EFNA5: variants seen among roughly 807,000 people sequenced by gnomAD.
EFNA5 encodes ephrin-A5.
In EFNA5, 5 loss-of-function variants were observed where a neutral mutation model predicts 22.9. The observed-to-expected ratio is 0.22, with a 90% CI of 0.11 to 0.46. EFNA5 has a LOEUF of 0.46. Ranked by LOEUF, EFNA5 falls within the 20% of genes least tolerant of loss-of-function variation. The pLI is 0.99. For synonymous variants in EFNA5, 113 were observed against 112.2 expected, an observed-to-expected ratio of 1.01 and a Z score of -0.04; for missense variants, 237 against 293.3, an observed-to-expected ratio of 0.81 and a Z score of 1.40.
intron 1 of EFNA5, among the ~76,000 whole-genome samples, chr5:107,621,672 A>G (rs1453580089): frequency 6.6e-6 from 1 of 152,118 alleles, no homozygotes; most frequent in Non-Finnish European, 1.5e-5. Flanking sequence ...CTAATACCTA[A>G]TTCACAGGTT....
At chr5:107,466,222 C>T (rs1408754534) in intron 1 of EFNA5, among the ~76,000 whole-genome samples, 2 of 152,150 alleles carry the variant, frequency 1.3e-5, no homozygotes, top group African/African-American at 4.8e-5. Context: ...CAAAGTTCCA[C>T]TGTGGATTTA....
chr5:107,606,582 C>G (rs61334135), intron 1 of EFNA5, among the ~76,000 whole-genome samples: 21,430 of 143,468 alleles, frequency 0.15, 1,762 homozygotes, highest in African/African-American at 0.17. Flanking sequence ...CACACACACA[C>G]AGAGCTAGTA....
intron 1 of EFNA5, among the ~76,000 whole-genome samples, chr5:107,601,197 T>C (rs1749585607): frequency 6.6e-6 from 1 of 152,240 alleles, no homozygotes; most frequent in Admixed American, 6.5e-5. Flanking sequence ...CCATTCGTAC[T>C]ATGTTCCAAG....
chr5:107,414,123 T>C (rs987789650), intron 2 of EFNA5, among the ~76,000 whole-genome samples: 19 of 152,192 alleles, frequency 1.2e-4, no homozygotes, highest in Admixed American at 3.9e-4. Context: ...GGAGGGCTTA[T>C]TAAAAATAGA....
chr5:107,521,649 AACTCACT>A (rs1174264888), intron 1 of EFNA5, among the ~76,000 whole-genome samples: 1 of 151,788 alleles, frequency 6.6e-6, no homozygotes, highest in Non-Finnish European at 1.5e-5. Context: ...TGGGAACTGC[AACTCACT>A]GTTGCTGCCC....
At chr5:107,660,306 A>ATATATATATC (rs1750925686) in intron 1 of EFNA5, among the ~76,000 whole-genome samples, 4 of 96,824 alleles carry the variant, frequency 4.1e-5, no homozygotes, top group Non-Finnish European at 8.3e-5. Flanking sequence ...ATATATATAT[A>ATATATATATC]TATATATATT....
intron 1 of EFNA5, among the ~76,000 whole-genome samples, chr5:107,640,739 C>T (rs761302874): frequency 6.6e-6 from 1 of 152,190 alleles, no homozygotes; most frequent in Non-Finnish European, 1.5e-5. Context: ...AGTATTACAG[C>T]TCTAAGCTAC....
chr5:107,596,922 T>C (rs1358048128), intron 1 of EFNA5, among the ~76,000 whole-genome samples: 1 of 152,076 alleles, frequency 6.6e-6, no homozygotes, highest in Non-Finnish European at 1.5e-5. Context: ...TTGACAAAAA[T>C]TGAATTAGGT....
At chr5:107,574,753 T>A (rs1219152452) in intron 1 of EFNA5, among the ~76,000 whole-genome samples, 1 of 152,140 alleles carries the variant, frequency 6.6e-6, no homozygotes, top group African/African-American at 2.4e-5. Context: ...ACAGAAGCAG[T>A]GGGGAGAGTT....
At chr5:107,557,241 AGCAAACATTTGTTAAATGAGAAGGGGC>A (rs1334094105) in intron 1 of EFNA5, among the ~76,000 whole-genome samples, 2 of 151,972 alleles carry the variant, frequency 1.3e-5, no homozygotes, top group East Asian at 3.9e-4. Context: ...GGAGGTGCTT[AGCAAACATTTGTTAAATGAGAAGGGGC>A]GAGAGAGGGA....
chr5:107,552,057 T>C (rs1173886324), intron 1 of EFNA5, among the ~76,000 whole-genome samples: 1 of 152,148 alleles, frequency 6.6e-6, no homozygotes, highest in South Asian at 2.1e-4. Flanking sequence ...TTTTTCAATA[T>C]TGCCAAATGC....
chr5:107,642,952 T>G (rs1051234874), intron 1 of EFNA5, among the ~76,000 whole-genome samples: 5 of 142,868 alleles, frequency 3.5e-5, no homozygotes, highest in Non-Finnish European at 7.6e-5. Context: ...AAAAAAAAAC[T>G]AATCTAGACG....
At chr5:107,384,773 T>A (rs1747568128) in intron 4 of EFNA5, among the ~76,000 whole-genome samples, 2 of 126,706 alleles carry the variant, frequency 1.6e-5, no homozygotes, top group South Asian at 2.3e-4. Context: ...ACCACATTTT[T>A]TTTTTTTTTT....
rs796272956 is a variant in EFNA5 at position 107,641,021 on chromosome 5, T to TAGATAGACAGAC, written c.125+29467_125+29468insGTCTGTCTATCT. Among the ~76,000 whole-genome samples, 289 of 111,998 alleles carry TAGATAGACAGAC rather than the reference T, an allele frequency of 2.6e-3. 3 individuals carry two copies. Among genetic ancestry groups the TAGATAGACAGAC allele is most frequent in the African/African-American group, 8.0e-3 (264 of 33,030 alleles). 73.5% of individuals were successfully genotyped at this position (111,998 alleles called of 152,430 possible). On this transcript the variant is annotated intron_variant, in intron 1 of 4. Coordinates refer to ENST00000333274, the MANE Select transcript of EFNA5 (RefSeq NM_001962.3). ...ATAGATAGATAGATAGATAGATAGA[T>TAGATAGACAGAC]AGACAGACAGACAGACAGATAGATA...
chr5:107,422,311 TG>T (rs978578894), intron 2 of EFNA5, among the ~76,000 whole-genome samples: 4 of 152,212 alleles, frequency 2.6e-5, no homozygotes, highest in African/African-American at 9.6e-5. Context: ...CATCTGCATG[TG>T]CCAAGCAATG....
chr5:107,518,229 C>T (rs1347646724), intron 1 of EFNA5, among the ~76,000 whole-genome samples: 1 of 150,750 alleles, frequency 6.6e-6, no homozygotes, highest in African/African-American at 2.4e-5. Context: ...AATGCTCCTT[C>T]AGTGTTTGCA....
chr5:107,408,439 T>C (rs746332436), intron 2 of EFNA5, among the ~76,000 whole-genome samples: 2 of 152,214 alleles, frequency 1.3e-5, no homozygotes, highest in Admixed American at 6.5e-5. Context: ...TCTAGGGCTA[T>C]TGAAAAGAAC....
intron 1 of EFNA5, among the ~76,000 whole-genome samples, chr5:107,615,796 T>C (rs949861690): frequency 1.1e-4 from 17 of 152,172 alleles, no homozygotes; most frequent in Admixed American, 2.6e-4. Context: ...GAGGGGTCGC[T>C]CGTCCATCTT....
chr5:107,515,364 TA>T lies in EFNA5; in HGVS notation c.126-87856del, dbSNP rs1291005012. The stretch of plus-strand genomic sequence containing the variant: ...AAGACATGGTTTTTATTTTTTATTT[TA>T]TTATTATTATTATTATTATTATTAT... On this transcript the variant is annotated intron_variant, in intron 1 of 4. Transcript: ENST00000333274. Among the ~76,000 whole-genome samples, 13 of 46,464 alleles carry T rather than the reference TA, an allele frequency of 2.8e-4. 1 individual carries two copies. The highest frequency in any genetic ancestry group is 1.1e-3 in the East Asian group (1 of 952). 30.5% of individuals were successfully genotyped at this position (46,464 alleles called of 152,430 possible).
Sources: allele counts gnomAD v4.1 joint callset (sites outside exome capture counted in the v4.1 genomes callset), GRCh38; gene constraint gnomAD v4.1.1; transcripts MANE v1.5; gene names NCBI Gene and HGNC (gene_info 2026-07-23, HGNC 2026-07-21).